The following FAM228B variants were observed in gnomAD, a reference collection of about 807,000 sequenced individuals.
FAM228B encodes protein FAM228B.
A neutral mutation model predicts 42.6 loss-of-function variants in FAM228B; 38 were observed. That is an observed-to-expected ratio of 0.89 (90% CI 0.69 to 1.17). FAM228B has a LOEUF of 1.17. FAM228B is among the 50% of genes most tolerant of loss of function. FAM228B has a pLI of 0.00. For missense variants in FAM228B, 344 were observed against 367.3 expected, an observed-to-expected ratio of 0.94 and a Z score of 0.52; for synonymous variants, 109 against 122.3, an observed-to-expected ratio of 0.89 and a Z score of 0.72.
chr2:24,159,749 A>G (rs1218503529), intron 7 of FAM228B, among the ~76,000 whole-genome samples: 1 of 152,068 alleles, frequency 6.6e-6, no homozygotes, highest in Non-Finnish European at 1.5e-5. Context: ...TTACAATTCA[A>G]TGTTTGTTTA....
At chr2:24,093,817 C>T (rs1665440954) in intron 2 of FAM228B, among the ~76,000 whole-genome samples, 1 of 151,894 alleles carries the variant, frequency 6.6e-6, no homozygotes, top group South Asian at 2.1e-4. Flanking sequence ...ACGGGTTTCA[C>T]CATATTGGCC....
At chr2:24,107,516 C>T (rs1267710336) in intron 3 of FAM228B, among the ~76,000 whole-genome samples, 1 of 152,076 alleles carries the variant, frequency 6.6e-6, no homozygotes, top group East Asian at 1.9e-4. Flanking sequence ...CAAAATCAAC[C>T]AGACAATCAG....
At chr2:24,134,065 T>A (rs185228880) in intron 2 of FAM228B, among the ~76,000 whole-genome samples, 19 of 152,320 alleles carry the variant, frequency 1.2e-4, no homozygotes, top group Admixed American at 2.0e-4. Context: ...ATGGAAAAAT[T>A]AAATGAATAT....
At chr2:24,133,583 A>C (rs1175196851) in intron 2 of FAM228B, among the ~76,000 whole-genome samples, 1 of 152,230 alleles carries the variant, frequency 6.6e-6, no homozygotes, top group Non-Finnish European at 1.5e-5. Context: ...TCTCAAAGGC[A>C]ATTCTGTGCT....
intron 2 of FAM228B, among the ~76,000 whole-genome samples, chr2:24,128,700 C>CTT (rs71397406): frequency 0.12 from 17,193 of 148,638 alleles, 1,158 homozygotes; most frequent in South Asian, 0.18. Context: ...TATAAATACT[C>CTT]TTTTTTTTTT....
intron 7 of FAM228B, among the ~76,000 whole-genome samples, chr2:24,155,240 G>T (rs1345270457): frequency 6.6e-6 from 1 of 151,880 alleles, no homozygotes; most frequent in African/African-American, 2.4e-5. Context: ...ACATTAATGG[G>T]CATACAGTGA....
Position 24,080,938 on chromosome 2 carries a change from A to G in FAM228B, c.-227A>G. On this transcript the variant is annotated 5_prime_UTR_variant, in exon 2 of 11. Coordinates refer to the FAM228B transcript ENST00000613899. This position sits in a 1 kb window ranked among gnomAD's most constrained non-coding sequence, Gnocchi z 4.7. ...CTGGGAGCCAGCTGTGACCAGAGGA[A>G]TAGCTCCAGCCATCCGGGTGAGTTG... 1 of 1,614,204 alleles carries G rather than the reference A, an allele frequency of 6.2e-7. No homozygotes were observed. The highest frequency in any genetic ancestry group is 8.5e-7 in the Non-Finnish European group (1 of 1,180,042).
chr2:24,108,040 A>C (rs184319443), intron 3 of FAM228B, among the ~76,000 whole-genome samples: 1 of 152,340 alleles, frequency 6.6e-6, no homozygotes, highest in Non-Finnish European at 1.5e-5. Flanking sequence ...AGACTAATAA[A>C]GAAAAAACGA....
At chr2:24,149,930 A>G (rs1666987090) in intron 7 of FAM228B, among the ~76,000 whole-genome samples, 2 of 152,186 alleles carry the variant, frequency 1.3e-5, no homozygotes, top group Non-Finnish European at 2.9e-5. Flanking sequence ...CATTATTTTT[A>G]ACTGATGACA....
intron 5 of FAM228B, among the ~76,000 whole-genome samples, chr2:24,145,394 G>A (rs1666869385): frequency 6.6e-6 from 1 of 152,194 alleles, no homozygotes; most frequent in Non-Finnish European, 1.5e-5. Context: ...GAAATATGGA[G>A]ACTATACTGT....
intron 9 of FAM228B, 83 bp downstream of exon 9, chr2:24,164,418 T>C (rs1263893894): frequency 5.0e-6 from 7 of 1,406,926 alleles, no homozygotes; most frequent in East Asian, 2.7e-5. Context: ...GAACTTTCTT[T>C]GTATGGCAGG....
intron 2 of FAM228B, among the ~76,000 whole-genome samples, chr2:24,086,234 C>CAAAAAAA (rs57641176): frequency 6.7e-4 from 43 of 63,922 alleles, no homozygotes; most frequent in South Asian, 1.9e-3. Context: ...GACTCCGTCT[C>CAAAAAAA]AAAAAAAAAA....
In FAM228B at chr2:24,103,525, G is replaced by A. The variant is rs138850776; in HGVS notation, c.-121+8296G>A. 5.0e-4 allele frequency among the ~76,000 whole-genome samples: 76 copies of A among 152,256 alleles called. 1 individual carries two copies. In the East Asian group the frequency reaches 9.8e-3, roughly 20 times the overall value. On this transcript the variant is annotated intron_variant, in intron 3 of 10. Transcript: ENST00000613899. ...GGGTCACTTGTGTGGGTCTCTCTGCGTAGCTGGACCCAGTTGGAAGTTTGT... is the reference window on the plus strand; with the variant it reads ...GGGTCACTTGTGTGGGTCTCTCTGCATAGCTGGACCCAGTTGGAAGTTTGT...
chr2:24,093,454 A>G (rs1368257483), intron 2 of FAM228B, among the ~76,000 whole-genome samples: 1 of 152,116 alleles, frequency 6.6e-6, no homozygotes, highest in Admixed American at 6.6e-5. Flanking sequence ...TTCCAGCTTC[A>G]TCCATGTCCC....
In FAM228B at chr2:24,142,055, C is replaced by T. The variant is rs534130077; in HGVS notation, c.441+2605C>T. ...GCAGAGACTCCACCTGAGAGCGTCTCGGGTAGGCTCTGCAGGCTGGGTTCC... is the reference window on the plus strand; with the variant it reads ...GCAGAGACTCCACCTGAGAGCGTCTTGGGTAGGCTCTGCAGGCTGGGTTCC... On this transcript the variant is annotated intron_variant, in intron 5 of 10. Coordinates refer to ENST00000615575, the MANE Select transcript of FAM228B (RefSeq NM_001145710.2). Among the ~76,000 whole-genome samples, 206 of 152,300 alleles carry T rather than the reference C, an allele frequency of 1.4e-3. 1 individual carries two copies. The Middle Eastern group carries it at 0.014, about 10-fold the overall frequency.
chr2:24,145,089 C>T (rs1034098903), intron 5 of FAM228B, among the ~76,000 whole-genome samples: 1 of 152,180 alleles, frequency 6.6e-6, no homozygotes, highest in Non-Finnish European at 1.5e-5. Flanking sequence ...ATGACCAGTG[C>T]CCAGGGGTTC....
At chr2:24,115,355 G>A in intron 3 of FAM228B, 1 of 537,886 alleles carries the variant, frequency 1.9e-6, no homozygotes, top group Non-Finnish European at 3.3e-6. Flanking sequence ...GAAATGATCA[G>A]TGCTCTCTCA....
intron 3 of FAM228B, among the ~76,000 whole-genome samples, chr2:24,100,104 A>G (rs2150995608): frequency 7.3e-6 from 1 of 137,424 alleles, no homozygotes; most frequent in East Asian, 2.0e-4. Context: ...CTTACACCTT[A>G]TAAAAAATTA....
rs1558362467 is a variant in FAM228B at position 24,084,207 on chromosome 2, G to C, written c.-210+3252G>C. ...TGGGTACCTGCATTAAGTCCGCCCG[G>C]TTCAGGGCGCTGGCCGCCACCTTCA... On this transcript the variant is annotated intron_variant, in intron 2 of 10. Coordinates refer to the FAM228B transcript ENST00000613899. This position sits in a 1 kb window ranked among gnomAD's most constrained non-coding sequence, Gnocchi z 8.4. The C allele has an allele frequency of 6.2e-7, 1 of 1,613,368 alleles. No individual in the cohort carries two copies. The highest frequency in any genetic ancestry group is 8.5e-7 in the Non-Finnish European group (1 of 1,179,808).
Sources: allele counts gnomAD v4.1 joint callset (sites outside exome capture counted in the v4.1 genomes callset), GRCh38; gene constraint gnomAD v4.1.1; non-coding constraint Gnocchi (gnomAD v3.1); transcripts MANE v1.5; gene names NCBI Gene and HGNC (gene_info 2026-07-23, HGNC 2026-07-21).